The following KAZN variants were observed in gnomAD, a reference collection of about 807,000 sequenced individuals.
KAZN encodes the protein kazrin.
In KAZN, 40 loss-of-function variants were observed where a neutral mutation model predicts 87.4. The ratio of observed to expected loss-of-function variants is 0.46; its 90% confidence interval spans 0.36 to 0.60. The LOEUF (loss-of-function observed/expected upper bound fraction) is 0.60, where lower values mean the gene tolerates loss of function less well. Ranked by LOEUF, KAZN falls within the 20% of genes least tolerant of loss-of-function variation. The probability of loss-of-function intolerance (pLI) is 0.00; values close to 1 mark genes in which losing one functional copy is unlikely to be tolerated. For synonymous variants in KAZN, 466 were observed against 458.3 expected (o/e 1.02, Z -0.22); for missense variants, 898 against 1,073.9 (o/e 0.84, Z 2.29).
chr1:14,466,912 T>C (rs894911100), intron 2 of KAZN, among the ~76,000 whole-genome samples: 3 of 152,092 alleles, frequency 2.0e-5, no homozygotes, highest in African/African-American at 7.2e-5. Context: ...GAGGTTGCAG[T>C]GAGCCGAGAT....
chr1:14,036,802 T>C (rs1032336519), intron 1 of KAZN, among the ~76,000 whole-genome samples: 27 of 151,782 alleles, frequency 1.8e-4, no homozygotes, highest in African/African-American at 5.6e-4. Context: ...TATTTTGAGA[T>C]GGAGTCTCGC....
chr1:13,990,857 G>T lies in KAZN; in HGVS notation c.91+97101G>T, dbSNP rs1221397495. Reference sequence around the variant, plus strand: ...GTTAATTGTAGAATGAAGGAGGTGGGTCTATGAATAAGTGATTACTGTAAA... The same window carrying T: ...GTTAATTGTAGAATGAAGGAGGTGGTTCTATGAATAAGTGATTACTGTAAA... On this transcript the variant is annotated intron_variant, in intron 1 of 16. Transcript: ENST00000636203. Among the ~76,000 whole-genome samples the T allele has an allele frequency of 2.0e-5, 3 of 152,192 alleles. No individual in the cohort carries two copies. In the East Asian group the frequency reaches 5.8e-4, roughly 29 times the overall value.
chr1:14,679,224 G>C (rs577294327), intron 1 of KAZN, among the ~76,000 whole-genome samples: 4 of 152,278 alleles, frequency 2.6e-5, no homozygotes, highest in Non-Finnish European at 4.4e-5. Flanking sequence ...GGAAGTACCA[G>C]GGTCGGTTAG....
intron 1 of KAZN, among the ~76,000 whole-genome samples, chr1:14,053,657 T>G (rs1217583295): frequency 6.6e-6 from 1 of 152,194 alleles, no homozygotes; most frequent in Non-Finnish European, 1.5e-5. Flanking sequence ...GTTGTGGGCC[T>G]CATCCTCCAT....
intron 1 of KAZN, among the ~76,000 whole-genome samples, chr1:14,805,422 C>A (rs1425992270): frequency 6.6e-6 from 1 of 152,108 alleles, no homozygotes; most frequent in Non-Finnish European, 1.5e-5. Context: ...TTGGCCAGAA[C>A]GTGGCTGCAC....
chr1:14,283,621 C>T (rs976572150), intron 2 of KAZN, among the ~76,000 whole-genome samples: 2 of 152,010 alleles, frequency 1.3e-5, no homozygotes, highest in Non-Finnish European at 2.9e-5. Flanking sequence ...AAATGGGAAC[C>T]CTTATACGTT....
At chr1:14,102,758 C>G (rs1219306131) in intron 1 of KAZN, among the ~76,000 whole-genome samples, 1 of 152,078 alleles carries the variant, frequency 6.6e-6, no homozygotes. Flanking sequence ...AGACAACCCA[C>G]CATGCATTAA....
At chr1:14,191,084 T>C (rs1646411668) in intron 2 of KAZN, among the ~76,000 whole-genome samples, 1 of 152,182 alleles carries the variant, frequency 6.6e-6, no homozygotes, top group Non-Finnish European at 1.5e-5. Context: ...ACACCATTCA[T>C]CCAGCTTGAG....
rs1672863624 is a variant in KAZN, at chr1:14,542,335, C to T, written c.250-56648C>T. ...GGGAGGGATAGCATTAGGAGATATA[C>T]CTAATGCTAAATGACCAGTTAATGG... On this transcript the variant is annotated intron_variant, in intron 2 of 16. Coordinates refer to the KAZN transcript ENST00000636203. Among the ~76,000 whole-genome samples the T allele has an allele frequency of 2.0e-5, 3 of 151,160 alleles. No homozygotes were observed. The South Asian group carries it at 6.4e-4, about 32-fold the overall frequency.
chr1:14,365,186 A>G (rs1280327937), intron 2 of KAZN, among the ~76,000 whole-genome samples: 1 of 151,780 alleles, frequency 6.6e-6, no homozygotes, highest in African/African-American at 2.4e-5. Context: ...TGGTACTACA[A>G]GTGCCCGCCA....
chr1:14,805,662 A>G (rs1646187286), intron 1 of KAZN, among the ~76,000 whole-genome samples: 1 of 151,802 alleles, frequency 6.6e-6, no homozygotes, highest in Non-Finnish European at 1.5e-5. Context: ...GGAGGCTGAG[A>G]AAGGAGGAGA....
intron 1 of KAZN, among the ~76,000 whole-genome samples, chr1:14,714,149 C>T (rs1284374125): frequency 5.9e-5 from 9 of 152,116 alleles, no homozygotes; most frequent in African/African-American, 2.2e-4. Flanking sequence ...GGGTGCAGGT[C>T]CCTGCAGTCT....
intron 12 of KAZN, among the ~76,000 whole-genome samples, 178 bp from the exon 13 acceptor site, chr1:15,103,845 G>T (rs1339698868): frequency 5.3e-5 from 8 of 152,152 alleles, no homozygotes; most frequent in African/African-American, 1.9e-4. Flanking sequence ...GTAACAGGAG[G>T]TCCCTGACCT....
chr1:14,422,394 C>T (rs998077562), intron 2 of KAZN, among the ~76,000 whole-genome samples: 8 of 152,188 alleles, frequency 5.3e-5, no homozygotes, highest in Non-Finnish European at 1.2e-4. Flanking sequence ...AGGCAAACTA[C>T]GTAGGTAAAG....
Position 14,957,872 on chromosome 1 carries a change from C to T in KAZN, c.227-2812C>T, listed in dbSNP as rs147609542. Among the ~76,000 whole-genome samples the T allele has an allele frequency of 1.1e-3, 173 of 152,270 alleles. 2 individuals are homozygous for T. The East Asian group carries it at 0.02, about 17-fold the overall frequency. On this transcript the variant is annotated intron_variant, in intron 1 of 14. Transcript: ENST00000376030. ...TGAGATGTGCCTTGCACCTCAGAGG[C>T]GCCCTCGGGCTTCTGTGGGGAGGAA...
chr1:13,999,722 T>C (rs1355241337), intron 1 of KAZN, among the ~76,000 whole-genome samples: 1 of 152,054 alleles, frequency 6.6e-6, no homozygotes. Flanking sequence ...TTGAAGGAGA[T>C]AGAGACATGA....
intron 1 of KAZN, among the ~76,000 whole-genome samples, chr1:14,117,181 A>G (rs1452606380): frequency 2.0e-5 from 3 of 152,176 alleles, no homozygotes; most frequent in African/African-American, 7.2e-5. Flanking sequence ...ATGTGAGGAC[A>G]TGAGATTTGG....
intron 2 of KAZN, among the ~76,000 whole-genome samples, chr1:14,448,662 T>C (rs1160553768): frequency 2.0e-5 from 3 of 152,048 alleles, no homozygotes; most frequent in African/African-American, 7.2e-5. Flanking sequence ...GAGGAAGTAA[T>C]AGATTATTGG....
At chr1:14,183,691 G>A (rs2100327284) in intron 2 of KAZN, among the ~76,000 whole-genome samples, 1 of 152,198 alleles carries the variant, frequency 6.6e-6, no homozygotes, top group African/African-American at 2.4e-5. Context: ...ATCTCTCCTT[G>A]GCAGTTCTCT....
Sources: allele counts gnomAD v4.1 joint callset (sites outside exome capture counted in the v4.1 genomes callset), GRCh38; gene constraint gnomAD v4.1.1; transcripts MANE v1.5; gene names NCBI Gene and HGNC (gene_info 2026-07-23, HGNC 2026-07-21).